CSMD1: variants seen among roughly 807,000 people sequenced by gnomAD.
The protein encoded by CSMD1 is CUB and Sushi multiple domains 1.
Under a neutral mutation model 417.5 loss-of-function variants are expected in CSMD1, and 213 were observed. The ratio of observed to expected loss-of-function variants is 0.51; its 90% CI spans 0.46 to 0.57. The LOEUF is 0.57. Among genes scored for constraint, CSMD1 ranks in the 20% least tolerant of loss-of-function variants. The pLI is 0.00. For synonymous variants in CSMD1, 2,862 were observed against 1,736.8 expected, an observed-to-expected ratio of 1.65 and a Z score of -16.11; for missense variants, 6,923 against 4,529.7, an observed-to-expected ratio of 1.53 and a Z score of -15.17.
chr8:3,681,629 G>C (rs551100106), intron 7 of CSMD1, among the ~76,000 whole-genome samples: 39 of 152,142 alleles, frequency 2.6e-4, no homozygotes, highest in Non-Finnish European at 5.0e-4. Context: ...GTAATTTATA[G>C]ATTCAATGCC....
At chr8:2,956,144 C>G (rs1802993884) in intron 63 of CSMD1, among the ~76,000 whole-genome samples, 1 of 151,988 alleles carries the variant, frequency 6.6e-6, no homozygotes, top group South Asian at 2.1e-4. Flanking sequence ...GTTAAAGATC[C>G]TTAAAAGCCC....
At chr8:4,543,256 C>T (rs370700289) in intron 2 of CSMD1, among the ~76,000 whole-genome samples, 40 of 152,214 alleles carry the variant, frequency 2.6e-4, no homozygotes, top group Admixed American at 9.8e-4. Flanking sequence ...TCACATCTGA[C>T]GGTGTGGACT....
At chr8:4,961,702 G>C (rs57002338) in intron 1 of CSMD1, among the ~76,000 whole-genome samples, 3 of 151,828 alleles carry the variant, frequency 2.0e-5, no homozygotes, top group Admixed American at 1.3e-4. Context: ...TTTCTGAAAT[G>C]ATAACGTAAT....
rs111304828 is a variant in CSMD1, at chr8:3,191,679, C to T, written c.5195-1564G>A. Among the ~76,000 whole-genome samples the T allele has an allele frequency of 3.8e-3, 583 of 152,142 alleles. 4 individuals are homozygous for T. The highest frequency in any genetic ancestry group is 0.014 in the African/African-American group (562 of 41,528). On this transcript the variant is annotated intron_variant, in intron 33 of 69. Transcript: ENST00000635120. Reference sequence around the variant, plus strand: ...TATTCAGGTTGTATGGCAGAAATTACCATCTACAGGAGATATTCCTGTTTA... The same window carrying T: ...TATTCAGGTTGTATGGCAGAAATTATCATCTACAGGAGATATTCCTGTTTA...
chr8:4,292,424 T>G (rs1797422740), intron 3 of CSMD1, among the ~76,000 whole-genome samples: 1 of 152,022 alleles, frequency 6.6e-6, no homozygotes, highest in Admixed American at 6.6e-5. Context: ...GGCTAATTTT[T>G]TGTGTTTTTA....
intron 3 of CSMD1, among the ~76,000 whole-genome samples, chr8:4,232,976 G>C (rs1801834072): frequency 5.3e-5 from 8 of 152,162 alleles, no homozygotes; most frequent in Admixed American, 5.2e-4. Context: ...CATAAGAAAA[G>C]GAGGAAACAG....
intron 3 of CSMD1, among the ~76,000 whole-genome samples, chr8:4,072,720 G>A (rs763812293): frequency 1.3e-5 from 2 of 152,154 alleles, no homozygotes; most frequent in East Asian, 3.9e-4. Context: ...ATACAGAAAT[G>A]AACAAAGTGT....
intron 3 of CSMD1, among the ~76,000 whole-genome samples, chr8:4,419,472 C>T (rs982772429): frequency 6.6e-6 from 1 of 152,100 alleles, no homozygotes; most frequent in South Asian, 2.1e-4. Context: ...ACAAATAAGT[C>T]TCTATGCCTT....
At chr8:3,682,731 AC>A (rs1799728742) in intron 7 of CSMD1, among the ~76,000 whole-genome samples, 1 of 152,228 alleles carries the variant, frequency 6.6e-6, no homozygotes, top group African/African-American at 2.4e-5. Flanking sequence ...TGTTATAAAG[AC>A]ACATGCACAC....
chr8:3,329,628 G>A (rs1294311465), intron 23 of CSMD1, among the ~76,000 whole-genome samples: 2 of 152,174 alleles, frequency 1.3e-5, no homozygotes, highest in South Asian at 2.1e-4. Context: ...TTGGAGCTCA[G>A]GCTACTACAA....
chr8:4,527,199 G>C (rs1391133758), intron 2 of CSMD1, among the ~76,000 whole-genome samples: 1 of 152,098 alleles, frequency 6.6e-6, no homozygotes, highest in Non-Finnish European at 1.5e-5. Flanking sequence ...TCCCAAATCA[G>C]ATTTAGTTGT....
rs199620751 is a variant in CSMD1, at chr8:4,295,303, TATATAATCTTAAGATTATGCAC to T, written c.415+124628_415+124649del. Among the ~76,000 whole-genome samples, 114 of 103,292 alleles carry T rather than the reference TATATAATCTTAAGATTATGCAC, an allele frequency of 1.1e-3. 1 individual carries two copies. Among genetic ancestry groups the T allele is most frequent in the South Asian group, 3.3e-3 (9 of 2,706 alleles). The allele number at this position is 103,292 out of a possible 152,430, so 67.8% of individuals were successfully genotyped here. A position where few individuals can be genotyped will look rare whatever the true frequency, so the allele number is the denominator to read the frequency against. On this transcript the variant is annotated intron_variant, in intron 3 of 69. Transcript: ENST00000635120. ...ATGCACATATAATCTTAAGATTATC[TATATAATCTTAAGATTATGCAC>T]ATATAATCTTAAGATTATGCACATA...
At chr8:2,973,664 G>A (rs13279053) in intron 56 of CSMD1, among the ~76,000 whole-genome samples, 91,224 of 147,608 alleles carry the variant, frequency 0.62, 27,779 homozygotes, top group Non-Finnish European at 0.65. Context: ...GGAATGTGGG[G>A]AAAAAAAAAA....
chr8:4,143,986 T>C (rs1803957021), intron 3 of CSMD1, among the ~76,000 whole-genome samples: 1 of 151,364 alleles, frequency 6.6e-6, no homozygotes, highest in Non-Finnish European at 1.5e-5. Flanking sequence ...CACTCTCCCT[T>C]TCCATCTGAG....
At chr8:3,229,971 C>A in intron 27 of CSMD1, 69 bp downstream of exon 27, 1 of 1,070,316 alleles carries the variant, frequency 9.3e-7, no homozygotes, top group South Asian at 2.0e-5. Flanking sequence ...AATACATTTA[C>A]GGAGCGCTTT....
At chr8:4,467,640 T>C (rs1225087651) in intron 2 of CSMD1, among the ~76,000 whole-genome samples, 2 of 152,246 alleles carry the variant, frequency 1.3e-5, no homozygotes, top group South Asian at 2.1e-4. Context: ...CTGAAATATC[T>C]TGTTTTACCT....
At chr8:3,874,716 C>T (rs150487626) in intron 5 of CSMD1, among the ~76,000 whole-genome samples, 47 of 152,164 alleles carry the variant, frequency 3.1e-4, no homozygotes, top group Non-Finnish European at 3.7e-4. Flanking sequence ...ATGCGACTGG[C>T]GCCCACTGCT....
At chr8:3,372,337 T>C (rs1376136270) in intron 18 of CSMD1, among the ~76,000 whole-genome samples, 1 of 151,876 alleles carries the variant, frequency 6.6e-6, no homozygotes, top group African/African-American at 2.4e-5. Context: ...CTTGTAAGGG[T>C]TGGAGGTTTC....
chr8:4,299,493 T>A (rs1797867269), intron 3 of CSMD1, among the ~76,000 whole-genome samples: 1 of 152,198 alleles, frequency 6.6e-6, no homozygotes, highest in African/African-American at 2.4e-5. Context: ...TCAATAGCCA[T>A]CATGTGGTAG....
Sources: gnomAD v4.1 joint callset for allele counts (sites outside exome capture counted in the v4.1 genomes callset) on GRCh38, gnomAD v4.1.1 for gene constraint, MANE v1.5 for transcripts, NCBI Gene and HGNC (gene_info 2026-07-23, HGNC 2026-07-21) for gene names.